The following TRAF2 variants were observed in gnomAD, a reference collection of about 807,000 sequenced individuals.
The protein encoded by TRAF2 is TNF receptor-associated factor 2.
TRAF2 carries 6 observed loss-of-function variants against 55.6 expected under a neutral mutation model. That is an observed-to-expected ratio of 0.11 (90% confidence interval 0.06 to 0.21). The LOEUF (loss-of-function observed/expected upper bound fraction) is 0.21, where lower values mean the gene tolerates loss of function less well. Ranked by LOEUF, TRAF2 falls within the 10% of genes least tolerant of loss-of-function variation. The pLI is 1.00. For synonymous variants in TRAF2, 329 were observed against 276.3 expected, an observed-to-expected ratio of 1.19 and a Z score of -1.89; for missense variants, 561 against 684.5, an observed-to-expected ratio of 0.82 and a Z score of 2.01.
At chr9:136,893,852 C>T (rs570231053) in intron 1 of TRAF2, among the ~76,000 whole-genome samples, 4 of 152,026 alleles carry the variant, frequency 2.6e-5, no homozygotes, top group Non-Finnish European at 5.9e-5. Flanking sequence ...CGGGTTCAAG[C>T]GATTCTCCTG....
upstream of TRAF2, among the ~76,000 whole-genome samples, chr9:136,884,421 G>A (rs906270579): frequency 1.3e-5 from 2 of 152,006 alleles, no homozygotes; most frequent in Non-Finnish European, 2.9e-5. Flanking sequence ...TTAGCCGGGC[G>A]TAGCGGTGTG....
At chr9:136,912,006 T>C (rs1043403630) in intron 6 of TRAF2, among the ~76,000 whole-genome samples, 2 of 150,852 alleles carry the variant, frequency 1.3e-5, no homozygotes, top group African/African-American at 2.4e-5. Flanking sequence ...CCTGCCACCA[T>C]GCCCGGCTAA....
upstream of TRAF2, among the ~76,000 whole-genome samples, chr9:136,883,171 G>GT (rs983064560): frequency 3.6e-3 from 530 of 148,714 alleles, 5 homozygotes; most frequent in African/African-American, 0.012. Flanking sequence ...TGCCCAGCCA[G>GT]TTTTTTTTTT....
rs535735466 is a variant in TRAF2 at position 136,926,314 on chromosome 9, C to G, written c.*413C>G. On this transcript the variant is annotated 3_prime_UTR_variant, in exon 11 of 11. Coordinates refer to ENST00000247668, the MANE Select transcript of TRAF2 (RefSeq NM_021138.4). ...GTCCCTCGGGCATGACAGGCAGAAA[C>G]GAGGGCTGCTCCAGGAGAAGGGCCT... 5.7e-6 allele frequency: 2 copies of G among 353,426 alleles called. No homozygotes were observed. Among genetic ancestry groups the G allele is most frequent in the South Asian group, 4.3e-5 (2 of 46,044 alleles). The allele number at this position is 353,426 out of a possible 1,614,324, so 21.9% of individuals were successfully genotyped here. A position where few individuals can be genotyped will look rare whatever the true frequency, so the allele number is the denominator to read the frequency against.
chr9:136,923,381 CGT>C (rs1850443446), intron 9 of TRAF2, among the ~76,000 whole-genome samples: 1 of 152,102 alleles, frequency 6.6e-6, no homozygotes. Context: ...GAGGCCAACA[CGT>C]GTGGATCGCC....
At chr9:136,902,147 C>T (rs547238714) in intron 4 of TRAF2, 2 of 152,254 alleles carry the variant, frequency 1.3e-5, no homozygotes, top group Non-Finnish European at 2.9e-5. Flanking sequence ...GCAAAGCTTT[C>T]TAGGCTCCTG....
chr9:136,897,861 A>G (rs1849720242), intron 1 of TRAF2, among the ~76,000 whole-genome samples: 1 of 133,546 alleles, frequency 7.5e-6, no homozygotes, highest in Admixed American at 7.7e-5. Flanking sequence ...AGCCAGCCTC[A>G]GGTGTGCTAC....
intron 7 of TRAF2, among the ~76,000 whole-genome samples, chr9:136,918,243 A>G (rs1850288360): frequency 4.4e-5 from 2 of 45,422 alleles, no homozygotes; most frequent in South Asian, 9.5e-4. Context: ...ATATATATAT[A>G]TATATATATA....
chr9:136,893,980 C>A (rs747976470), intron 1 of TRAF2, among the ~76,000 whole-genome samples: 2 of 151,448 alleles, frequency 1.3e-5, no homozygotes, highest in Non-Finnish European at 2.9e-5. Context: ...AAACTCCTGA[C>A]CTCGTGATTC....
At chr9:136,902,850 T>C (rs1280767718) in intron 4 of TRAF2, among the ~76,000 whole-genome samples, 1 of 152,208 alleles carries the variant, frequency 6.6e-6, no homozygotes, top group East Asian at 1.9e-4. Flanking sequence ...GTACGGAGGC[T>C]AAGGCTGCCT....
In TRAF2 at chr9:136,920,569, T is replaced by C. The variant is rs1231730065; in HGVS notation, c.960+54T>C. 1.9e-6 allele frequency: 3 copies of C among 1,538,480 alleles called. No individual in the cohort carries two copies. In the East Asian group the frequency reaches 6.9e-5, roughly 35 times the overall value. On this transcript the variant is annotated intron_variant, in intron 8 of 10. Transcript: ENST00000247668. ...AGGAGGACAGTGTAAAGGGGGATAG[T>C]GTTCGTGCCCCAGCAGGTTCTAGCA...
chr9:136,923,018 C>T (rs561936763), intron 9 of TRAF2, among the ~76,000 whole-genome samples: 16 of 152,232 alleles, frequency 1.1e-4, no homozygotes, highest in South Asian at 4.1e-4. Context: ...GGGGTCCCTG[C>T]GTGCAGACCT....
intron 7 of TRAF2, 173 bp downstream of exon 7, chr9:136,916,788 G>A: frequency 1.5e-6 from 1 of 645,758 alleles, no homozygotes; most frequent in African/African-American, 1.9e-5. Flanking sequence ...TGGGCTGGCA[G>A]CCCTGTCCAC....
chr9:136,924,211 A>T (rs1195518944), intron 10 of TRAF2, among the ~76,000 whole-genome samples: 1 of 152,180 alleles, frequency 6.6e-6, no homozygotes, highest in Non-Finnish European at 1.5e-5. Flanking sequence ...CTGGTCCGTG[A>T]CACAAGCACC....
At chr9:136,897,073 C>T (rs1849696750) in intron 1 of TRAF2, among the ~76,000 whole-genome samples, 1 of 152,198 alleles carries the variant, frequency 6.6e-6, no homozygotes, top group Non-Finnish European at 1.5e-5. Flanking sequence ...CTGAGGTTCC[C>T]ACACAACAGG....
chr9:136,913,646 T>C (rs1850174426), intron 6 of TRAF2, among the ~76,000 whole-genome samples: 1 of 152,192 alleles, frequency 6.6e-6, no homozygotes, highest in Non-Finnish European at 1.5e-5. Flanking sequence ...TTTGAGTTTA[T>C]GTCAGCTGTG....
intron 7 of TRAF2, among the ~76,000 whole-genome samples, chr9:136,918,258 T>TA (rs1564419531): frequency 0.037 from 690 of 18,684 alleles, 7 homozygotes; most frequent in African/African-American, 0.048. Context: ...TATATATATA[T>TA]TTATTTAATT....
At chr9:136,888,287 A>C (rs1039943870) in intron 1 of TRAF2, among the ~76,000 whole-genome samples, 2 of 152,094 alleles carry the variant, frequency 1.3e-5, no homozygotes, top group African/African-American at 4.8e-5. Context: ...AGTGGGTTAG[A>C]ATCAGGTGCC....
upstream of TRAF2, chr9:136,886,351 GCGTCAGTC>G: frequency 5.2e-6 from 5 of 969,868 alleles, no homozygotes; most frequent in Non-Finnish European, 6.1e-6. Flanking sequence ...GTTGGCTCCG[GCGTCAGTC>G]CGTCAGGCGC....
Sources: gnomAD v4.1 joint callset for allele counts (sites outside exome capture counted in the v4.1 genomes callset) on GRCh38, gnomAD v4.1.1 for gene constraint, MANE v1.5 for transcripts, NCBI Gene and HGNC (gene_info 2026-07-23, HGNC 2026-07-21) for gene names.